Variants in IGSF11 observed in about 807,000 individuals in gnomAD.
IGSF11 encodes immunoglobulin superfamily member 11, also known as CXADR like 1.
In IGSF11, 22 loss-of-function variants were observed where a neutral mutation model predicts 41.0. That is an observed-to-expected ratio of 0.54 (90% CI 0.38 to 0.77). The LOEUF (loss-of-function observed/expected upper bound fraction) is 0.77, where lower values mean the gene tolerates loss of function less well. Ranked by LOEUF, IGSF11 falls within the 30% of genes least tolerant of loss-of-function variation. The pLI, the probability that IGSF11 is intolerant of heterozygous loss-of-function variation, is 0.00. For synonymous variants in IGSF11, 219 were observed against 201.3 expected, an observed-to-expected ratio of 1.09 and a Z score of -0.74; for missense variants, 444 against 530.8, an observed-to-expected ratio of 0.84 and a Z score of 1.61.
chr3:118,972,328 T>C (rs186494969), intron 1 of IGSF11, among the ~76,000 whole-genome samples: 39 of 152,320 alleles, frequency 2.6e-4, no homozygotes, highest in Non-Finnish European at 4.3e-4. Context: ...TAATCTCATA[T>C]AATTATGTAT....
In IGSF11 at chr3:118,926,393, G is replaced by A. The variant is rs1053268741; in HGVS notation, c.425-137C>T. 9.1e-6 allele frequency: 6 copies of A among 656,866 alleles called. No individual in the cohort carries two copies. The East Asian group carries it at 9.4e-5, about 10-fold the overall frequency. The allele number at this position is 656,866 out of a possible 1,614,324, so 40.7% of individuals were successfully genotyped here. On this transcript the variant is annotated intron_variant, in intron 3 of 6. Coordinates refer to ENST00000393775, the MANE Select transcript of IGSF11 (RefSeq NM_001015887.3). ...ACATATACCAGGAGACAGACTCACC[G>A]CCTGAACCCAGGGGAGGCATGTACC... is the stretch of plus-strand genomic sequence containing the variant.
chr3:119,026,013 G>T (rs145460651), intron 1 of IGSF11, among the ~76,000 whole-genome samples: 2,127 of 152,246 alleles, frequency 0.014, 40 homozygotes, highest in African/African-American at 0.048. Flanking sequence ...GCTCATGCCT[G>T]TAATCCCAGC....
intron 1 of IGSF11, among the ~76,000 whole-genome samples, chr3:119,110,481 T>C (rs1263629823): frequency 6.6e-6 from 1 of 152,252 alleles, no homozygotes; most frequent in East Asian, 1.9e-4. Context: ...AGCCTATGTG[T>C]GTCTCTGCAC....
intron 1 of IGSF11, among the ~76,000 whole-genome samples, chr3:119,098,125 A>T (rs981572103): frequency 2.0e-5 from 3 of 151,884 alleles, no homozygotes; most frequent in African/African-American, 7.3e-5. Context: ...TGGAGAACAA[A>T]GCTTATGTGG....
chr3:119,057,676 G>C (rs1479426054), intron 1 of IGSF11, among the ~76,000 whole-genome samples: 1 of 152,178 alleles, frequency 6.6e-6, no homozygotes, highest in Non-Finnish European at 1.5e-5. Context: ...TCAATCCTAA[G>C]CCAAAAGAAC....
At chr3:119,003,455 T>C (rs1366884514) in intron 1 of IGSF11, among the ~76,000 whole-genome samples, 5 of 150,880 alleles carry the variant, frequency 3.3e-5, no homozygotes, top group Non-Finnish European at 5.9e-5. Flanking sequence ...CCTAATTGAA[T>C]ACCTTTTATT....
intron 1 of IGSF11, among the ~76,000 whole-genome samples, chr3:119,043,987 T>C (rs544934693): frequency 6.6e-6 from 1 of 152,224 alleles, no homozygotes; most frequent in South Asian, 2.1e-4. Flanking sequence ...GTTCTGATAA[T>C]ATGACAAAAC....
Position 119,050,323 on chromosome 3 carries a change from A to C in IGSF11, c.49+54821T>G, listed in dbSNP as rs534761465. 2.1e-4 allele frequency among the ~76,000 whole-genome samples: 32 copies of C among 152,340 alleles called. No individual in the cohort carries two copies. In the East Asian group the frequency reaches 3.3e-3, roughly 16 times the overall value. ...AGAAAAAAACAAACAACCCCATCAA[A>C]AAGTGGGCAAAGGACGTGAACAGAC... On this transcript the variant is annotated intron_variant, in intron 1 of 6. Transcript: ENST00000354673.
chr3:119,005,050 G>A (rs1937347908), intron 1 of IGSF11, among the ~76,000 whole-genome samples: 1 of 148,562 alleles, frequency 6.7e-6, no homozygotes, highest in South Asian at 2.2e-4. Flanking sequence ...TCTGTCCAAT[G>A]TTGACAGTGG....
chr3:119,100,371 T>A (rs960384132), intron 1 of IGSF11, among the ~76,000 whole-genome samples: 4 of 152,224 alleles, frequency 2.6e-5, no homozygotes, highest in African/African-American at 9.6e-5. Flanking sequence ...GAGTGTTGGA[T>A]AAGAGAAGAT....
intron 1 of IGSF11, among the ~76,000 whole-genome samples, chr3:119,090,886 C>T (rs2076751028): frequency 1.3e-5 from 2 of 152,038 alleles, no homozygotes; most frequent in South Asian, 2.1e-4. Context: ...AATTGACAAG[C>T]GGGACCTAAT....
intron 1 of IGSF11, among the ~76,000 whole-genome samples, chr3:119,001,743 T>C (rs564318095): frequency 6.6e-6 from 1 of 150,624 alleles, no homozygotes; most frequent in African/African-American, 2.5e-5. Flanking sequence ...GTTCTTGTGA[T>C]AGTTTACTGA....
At chr3:119,055,376 C>G (rs1046137134) in intron 1 of IGSF11, among the ~76,000 whole-genome samples, 1 of 152,116 alleles carries the variant, frequency 6.6e-6, no homozygotes, top group African/African-American at 2.4e-5. Context: ...ACAAAGAAGG[C>G]CATTACATAA....
chr3:119,015,531 G>C (rs1326232660), intron 1 of IGSF11, among the ~76,000 whole-genome samples: 23 of 152,084 alleles, frequency 1.5e-4, no homozygotes, highest in Non-Finnish European at 5.9e-5. Context: ...TCTGTATCAT[G>C]CTATTCTTCA....
intron 1 of IGSF11, among the ~76,000 whole-genome samples, chr3:119,090,696 AG>A (rs2076748850): frequency 6.6e-6 from 1 of 152,246 alleles, no homozygotes. Context: ...AGAAGATTAA[AG>A]CTTGATGGCT....
intron 1 of IGSF11, among the ~76,000 whole-genome samples, chr3:119,134,717 C>A (rs1033915129): frequency 2.6e-5 from 4 of 152,002 alleles, no homozygotes; most frequent in Admixed American, 2.6e-4. Context: ...AACTAAAGTT[C>A]ATATGGAACC....
intron 4 of IGSF11, among the ~76,000 whole-genome samples, chr3:118,916,562 C>T (rs1040350707): frequency 1.7e-4 from 25 of 151,190 alleles, no homozygotes; most frequent in African/African-American, 5.6e-4. Flanking sequence ...GCTAACTATC[C>T]TAAATATATA....
At chr3:118,948,772 TGGCTAA>T (rs1944349818) in intron 1 of IGSF11, among the ~76,000 whole-genome samples, 2 of 151,972 alleles carry the variant, frequency 1.3e-5, no homozygotes, top group South Asian at 4.1e-4. Flanking sequence ...GAGACCATCC[TGGCTAA>T]AACGGTGAGA....
At chr3:118,923,939 G>C (rs1005152328) in intron 4 of IGSF11, among the ~76,000 whole-genome samples, 8 of 152,090 alleles carry the variant, frequency 5.3e-5, no homozygotes, top group Non-Finnish European at 7.4e-5. Flanking sequence ...CCCTTACGAA[G>C]TTACTTTTTT....
Sources: allele counts gnomAD v4.1 joint callset (sites outside exome capture counted in the v4.1 genomes callset), GRCh38; gene constraint gnomAD v4.1.1; transcripts MANE v1.5; gene names NCBI Gene and HGNC (gene_info 2026-07-23, HGNC 2026-07-21).